Variants in OXTR observed in about 807,000 individuals in gnomAD.
The protein encoded by OXTR is oxytocin receptor.
OXTR carries 19 observed loss-of-function variants against 23.9 expected under a neutral mutation model. That is an observed-to-expected ratio of 0.80 (90% confidence interval 0.56 to 1.17). The LOEUF (loss-of-function observed/expected upper bound fraction) is 1.17, where lower values mean the gene tolerates loss of function less well. OXTR is among the 50% of genes most tolerant of loss of function. The pLI is 0.00. For synonymous variants in OXTR, 278 were observed against 250.5 expected, an observed-to-expected ratio of 1.11 and a Z score of -1.04; for missense variants, 500 against 550.7, an observed-to-expected ratio of 0.91 and a Z score of 0.92.
Position 8,767,654 on chromosome 3 carries a change from G to T in OXTR, c.534C>A (p.Arg178=). ...SAPQVHIFSL[R]EVADGVFDCW... ...AGTCGAAGACGCCGTCAGCCACCTCGCGCAGAGAGAAGATGTGCACCTGCG... is the reference window on the plus strand; with the variant it reads ...AGTCGAAGACGCCGTCAGCCACCTCTCGCAGAGAGAAGATGTGCACCTGCG... Residue 178 remains arginine, a synonymous_variant, in exon 3 of 4, where the codon CGC becomes CGA. Transcript: ENST00000316793. 9 of 1,612,794 alleles carry T rather than the reference G, an allele frequency of 5.6e-6. No homozygotes were observed. The highest frequency in any genetic ancestry group is 7.6e-6 in the Non-Finnish European group (9 of 1,179,640).
the OXTR span, among the ~76,000 whole-genome samples, chr3:8,743,024 A>G: frequency 5.9e-5 from 9 of 152,160 alleles, no homozygotes; most frequent in African/African-American, 2.2e-4. Flanking sequence ...GGCATATCAC[A>G]TGGCGAGAGA....
downstream of OXTR, chr3:8,746,054 C>T: frequency 3.4e-6 from 2 of 584,900 alleles, no homozygotes; most frequent in East Asian, 5.6e-5. Context: ...CACAATGGCC[C>T]TTCGCTCTCC....
chr3:8,745,933 T>C, downstream of OXTR: 1 of 1,321,134 alleles, frequency 7.6e-7, no homozygotes, highest in South Asian at 1.3e-5. The surrounding 1 kb of genome is among the most constrained non-coding windows in gnomAD (Gnocchi z 4.8). Context: ...CCGGGGGACT[T>C]CTTCACAGGG....
At chr3:8,757,662 A>T (rs1314196641) in intron 3 of OXTR, among the ~76,000 whole-genome samples, 2 of 152,144 alleles carry the variant, frequency 1.3e-5, no homozygotes, top group Admixed American at 6.5e-5. Context: ...TAAAAATCAC[A>T]TCTTGCCCCA....
At chr3:8,743,006 G>C in the OXTR span, among the ~76,000 whole-genome samples, 1 of 152,162 alleles carries the variant, frequency 6.6e-6, no homozygotes, top group Non-Finnish European at 1.5e-5. Context: ...GAAGGCAAAG[G>C]GGGAGCTGGC....
rs536726954 is a variant in OXTR at position 8,757,632 on chromosome 3, T to A, written c.923-4408A>T. ...GCTGGAAGAGCCAGTTCTAATCATG[T>A]GTCTCCCACTTTCCTGCCATAAAAA... On this transcript the variant is annotated intron_variant, in intron 3 of 3. Coordinates refer to ENST00000316793, the MANE Select transcript of OXTR (RefSeq NM_000916.4). 4.9e-4 allele frequency among the ~76,000 whole-genome samples: 74 copies of A among 152,270 alleles called. 1 individual carries two copies. Among genetic ancestry groups the A allele is most frequent in the African/African-American group, 1.7e-3 (69 of 41,570 alleles).
chr3:8,743,052 C>T, the OXTR span, among the ~76,000 whole-genome samples: 9 of 151,970 alleles, frequency 5.9e-5, no homozygotes, highest in East Asian at 1.4e-3. Flanking sequence ...AGAGAGCTGC[C>T]GGGTTCTTTT....
chr3:8,745,804 A>G, downstream of OXTR: 1 of 1,612,616 alleles, frequency 6.2e-7, no homozygotes, highest in Non-Finnish European at 8.5e-7. This position sits in a 1 kb window ranked among gnomAD's most constrained non-coding sequence, Gnocchi z 4.8. Context: ...TCTGCAACCC[A>G]CTCTTCGCGG....
downstream of OXTR, among the ~76,000 whole-genome samples, chr3:8,748,821 C>T (rs557602580): frequency 6.6e-6 from 1 of 152,268 alleles, no homozygotes; most frequent in East Asian, 1.9e-4. Context: ...CTGCATTGTC[C>T]CCTTACATTT....
intron 3 of OXTR, among the ~76,000 whole-genome samples, chr3:8,759,947 A>G (rs1003376179): frequency 1.1e-4 from 16 of 152,204 alleles, no homozygotes; most frequent in Admixed American, 6.5e-5. Context: ...CCTCTAAACC[A>G]GAGCTAGAAC....
downstream of OXTR, among the ~76,000 whole-genome samples, chr3:8,748,392 ACT>A (rs1352303309): frequency 6.6e-6 from 1 of 152,146 alleles, no homozygotes; most frequent in Non-Finnish European, 1.5e-5. Flanking sequence ...TTCCCACAGA[ACT>A]CTGATAACTG....
Position 8,767,213 on chromosome 3 carries a change from G to T in OXTR, c.922+53C>A. 5.4e-6 allele frequency: 8 copies of T among 1,491,988 alleles called. 1 individual carries two copies. In the South Asian group the frequency reaches 1.1e-4, roughly 21 times the overall value. 92.4% of individuals were successfully genotyped at this position (1,491,988 alleles called of 1,614,324 possible). A position where few individuals can be genotyped will look rare whatever the true frequency, so the allele number is the denominator to read the frequency against. ...GGACATTCTGAGGCAGCAAGATAAG[G>T]GCCTCCCCCAGCCACCAGGCTCCCT... is the stretch of plus-strand genomic sequence containing the variant. On this transcript the variant is annotated intron_variant, in intron 3 of 3. Coordinates refer to ENST00000316793, the MANE Select transcript of OXTR (RefSeq NM_000916.4).
At position 8,768,287 on chromosome 3, in the gene OXTR, C is replaced by T; in HGVS notation, c.-100G>A. 1 of 1,227,982 alleles carries T rather than the reference C, an allele frequency of 8.1e-7. No individual in the cohort carries two copies. The highest frequency in any genetic ancestry group is 3.2e-4 in the Middle Eastern group (1 of 3,154). The allele number at this position is 1,227,982 out of a possible 1,614,324, so 76.1% of individuals were successfully genotyped here. Reference sequence around the variant, plus strand: ...TCGGAGGGTGTAGGGGCGCCCGGGGCTCCACTCCTGGAGACTCCACGGACG... The same window carrying T: ...TCGGAGGGTGTAGGGGCGCCCGGGGTTCCACTCCTGGAGACTCCACGGACG... On this transcript the variant is annotated 5_prime_UTR_variant, in exon 3 of 4. Coordinates refer to ENST00000316793, the MANE Select transcript of OXTR (RefSeq NM_000916.4). The surrounding 1 kb of genome is among the most constrained non-coding windows in gnomAD (Gnocchi z 5.4).
intron 3 of OXTR, among the ~76,000 whole-genome samples, chr3:8,757,957 T>G (rs1254593288): frequency 6.6e-6 from 1 of 152,042 alleles, no homozygotes. Context: ...CAGCAGAATA[T>G]TGAACAGGGG....
intron 3 of OXTR, among the ~76,000 whole-genome samples, chr3:8,755,890 C>T (rs1164677335): frequency 6.6e-6 from 1 of 152,106 alleles, no homozygotes; most frequent in African/African-American, 2.4e-5. Context: ...GAATAAAGGC[C>T]CATGGTTGAG....
chr3:8,767,724 A>C lies in OXTR; in HGVS notation c.464T>G (p.Leu155Arg). Reference protein sequence around the residue: ...LRSLRRRTDRLAVLATWLGCL... With the variant: ...LRSLRRRTDRRAVLATWLGCL... ...GCCGAGCCACGTGGCGAGCACTGCC[A>C]GGCGGTCGGTGCGGCGGCGCAGCGA... Residue 155 changes from leucine to arginine, a missense_variant, in exon 3 of 4, where the codon CTG becomes CGG. Leu to Arg is a moderately radical substitution (Grantham distance 102). Transcript: ENST00000316793. The C allele has an allele frequency of 6.2e-7, 1 of 1,610,270 alleles. No homozygotes were observed. Among genetic ancestry groups the C allele is most frequent in the Non-Finnish European group, 8.5e-7 (1 of 1,178,408 alleles).
chr3:8,764,637 G>A (rs1218724389), intron 3 of OXTR, among the ~76,000 whole-genome samples: 1 of 152,182 alleles, frequency 6.6e-6, no homozygotes, highest in Non-Finnish European at 1.5e-5. Context: ...CACACGGCTG[G>A]TGTTCTAACT....
intron 3 of OXTR, among the ~76,000 whole-genome samples, chr3:8,756,336 G>C (rs1708374404): frequency 6.6e-6 from 1 of 152,182 alleles, no homozygotes; most frequent in South Asian, 2.1e-4. Context: ...TCATTTTATA[G>C]ATGAGGAAAG....
the OXTR span, among the ~76,000 whole-genome samples, chr3:8,744,364 C>T: frequency 1.5e-4 from 23 of 150,894 alleles, no homozygotes; most frequent in South Asian, 1.3e-3. Context: ...CTGCAAGCCC[C>T]GCCTCCCGGG....
Sources: gnomAD v4.1 joint callset for allele counts (sites outside exome capture counted in the v4.1 genomes callset) on GRCh38, gnomAD v4.1.1 for gene constraint, Gnocchi (gnomAD v3.1) non-coding constraint, MANE v1.5 for transcripts, NCBI Gene and HGNC (gene_info 2026-07-23, HGNC 2026-07-21) for gene names.